The following ITPR2 variants were observed in gnomAD, a reference collection of about 807,000 sequenced individuals.
ITPR2 encodes the protein inositol 1,4,5-trisphosphate receptor type 2.
ITPR2 carries 207 observed loss-of-function variants against 317.1 expected under a neutral mutation model. The observed-to-expected ratio is 0.65, with a 90% CI of 0.58 to 0.73. ITPR2 has a LOEUF of 0.73. Ranked by LOEUF, ITPR2 falls within the 30% of genes least tolerant of loss-of-function variation. The pLI, the probability that ITPR2 is intolerant of heterozygous loss-of-function variation, is 0.00. For synonymous variants in ITPR2, 1,156 were observed against 1,149.1 expected, an observed-to-expected ratio of 1.01 and a Z score of -0.12; for missense variants, 2,613 against 3,284.0, an observed-to-expected ratio of 0.80 and a Z score of 4.99.
chr12:26,562,580 G>A (rs1011233095), intron 34 of ITPR2, among the ~76,000 whole-genome samples: 6 of 152,226 alleles, frequency 3.9e-5, no homozygotes, highest in Non-Finnish European at 7.3e-5. Flanking sequence ...GATGGGATTA[G>A]TCCATCAGCG....
chr12:26,808,986 T>C lies in ITPR2; in HGVS notation c.93-18759A>G, dbSNP rs576702816. Among the ~76,000 whole-genome samples, 34 of 152,324 alleles carry C rather than the reference T, an allele frequency of 2.2e-4. 1 individual carries two copies. The highest frequency in any genetic ancestry group is 6.8e-3 in the Middle Eastern group (2 of 294). Reference sequence around the variant, plus strand: ...TAACAACTGGAGTCTTAACCACCTGTATTCTGCCCTTCATTTGAGTGGGTG... The same window carrying C: ...TAACAACTGGAGTCTTAACCACCTGCATTCTGCCCTTCATTTGAGTGGGTG... On this transcript the variant is annotated intron_variant, in intron 1 of 56. Coordinates refer to ENST00000381340, the MANE Select transcript of ITPR2 (RefSeq NM_002223.4).
chr12:26,513,133 G>A (rs1378795722), intron 37 of ITPR2, among the ~76,000 whole-genome samples: 2 of 151,972 alleles, frequency 1.3e-5, no homozygotes, highest in East Asian at 1.9e-4. Flanking sequence ...GAGCCACCGC[G>A]CCCGGCCGGG....
intron 21 of ITPR2, 65 bp from the exon 22 acceptor site, chr12:26,632,124 C>T (rs991603065): frequency 2.3e-6 from 3 of 1,295,970 alleles, no homozygotes; most frequent in African/African-American, 3.0e-5. Flanking sequence ...CTATAAAACT[C>T]AGTTAGTCAC....
intron 1 of ITPR2, among the ~76,000 whole-genome samples, chr12:26,816,768 A>C (rs921261496): frequency 6.6e-5 from 10 of 152,336 alleles, no homozygotes; most frequent in African/African-American, 2.2e-4. Context: ...GATCAGGAAC[A>C]GTTCACTATA....
At chr12:26,360,867 C>G (rs1938804208) in intron 55 of ITPR2, among the ~76,000 whole-genome samples, 2 of 152,132 alleles carry the variant, frequency 1.3e-5, no homozygotes, top group Admixed American at 1.3e-4. Context: ...ATCACCACCT[C>G]TAAGTTTACC....
In ITPR2 at chr12:26,336,979, TG is replaced by T. The variant is rs1937935389; in HGVS notation, c.*2417del. ...TTTGTCTGCTTCGATTTTTTGTTGC[TG>T]TTTTTTTTTTTTTTGCTTTATAATT... On this transcript the variant is annotated 3_prime_UTR_variant, in exon 57 of 57. Coordinates refer to ENST00000381340, the MANE Select transcript of ITPR2 (RefSeq NM_002223.4). The T allele has an allele frequency of 2.4e-5, 1 of 42,212 alleles. No individual in the cohort carries two copies. Among genetic ancestry groups the T allele is most frequent in the African/African-American group, 6.5e-5 (1 of 15,434 alleles). The allele number at this position is 42,212 out of a possible 1,614,324, so 2.6% of individuals were successfully genotyped here.
chr12:26,644,924 C>T (rs1046113669), intron 21 of ITPR2, among the ~76,000 whole-genome samples: 1 of 152,146 alleles, frequency 6.6e-6, no homozygotes, highest in Admixed American at 6.5e-5. Context: ...AGTCTGAAGA[C>T]AGGTACTTCA....
At chr12:26,771,996 A>G (rs1949852076) in intron 2 of ITPR2, among the ~76,000 whole-genome samples, 1 of 152,102 alleles carries the variant, frequency 6.6e-6, no homozygotes, top group Admixed American at 6.5e-5. Flanking sequence ...AATATTAGTT[A>G]TTTACAGCAG....
intron 37 of ITPR2, among the ~76,000 whole-genome samples, chr12:26,508,554 G>C (rs1943248297): frequency 6.6e-6 from 1 of 151,806 alleles, no homozygotes; most frequent in Non-Finnish European, 1.5e-5. Flanking sequence ...AGAGATGAGA[G>C]GTATATTTAT....
chr12:26,555,500 G>A (rs1043574930), intron 36 of ITPR2, among the ~76,000 whole-genome samples: 1 of 152,164 alleles, frequency 6.6e-6, no homozygotes, highest in African/African-American at 2.4e-5. Context: ...ATAAAGACAA[G>A]TCTCTTCTTT....
chr12:26,676,703 T>C (rs1404524122), intron 13 of ITPR2, among the ~76,000 whole-genome samples: 1 of 151,398 alleles, frequency 6.6e-6, no homozygotes, highest in Non-Finnish European at 1.5e-5. Flanking sequence ...AATTAATCAC[T>C]AAAAAAACTT....
At chr12:26,395,898 A>G (rs1212793808) in intron 54 of ITPR2, among the ~76,000 whole-genome samples, 6 of 152,200 alleles carry the variant, frequency 3.9e-5, no homozygotes, top group Non-Finnish European at 8.8e-5. Context: ...CTCTGTTTCC[A>G]TGTTTGTAAA....
chr12:26,495,350 G>A, intron 37 of ITPR2, 90 bp from the exon 38 acceptor site: 1 of 691,736 alleles, frequency 1.4e-6, no homozygotes, highest in Non-Finnish European at 2.4e-6. Context: ...TGCATTTTGT[G>A]AATGATGTTG....
chr12:26,785,144 C>T (rs1592129038), intron 2 of ITPR2, among the ~76,000 whole-genome samples: 1 of 42,974 alleles, frequency 2.3e-5, no homozygotes, highest in African/African-American at 5.7e-5. Flanking sequence ...CGTCTCCGCC[C>T]GGCAGCCACC....
chr12:26,607,320 A>T lies in ITPR2; in HGVS notation c.3463-4614T>A, dbSNP rs568106803. ...CTCCCTTCAAAACATGCAAAAAAAA[A>T]TTTTAATAACCGGTCTTTTATATTT... is the stretch of plus-strand genomic sequence containing the variant. On this transcript the variant is annotated intron_variant, in intron 26 of 56. Transcript: ENST00000381340. Among the ~76,000 whole-genome samples, 389 of 152,240 alleles carry T rather than the reference A, an allele frequency of 2.6e-3. 1 individual carries two copies. Among genetic ancestry groups the T allele is most frequent in the African/African-American group, 9.1e-3 (376 of 41,528 alleles).
intron 55 of ITPR2, among the ~76,000 whole-genome samples, chr12:26,373,223 A>C (rs1164533326): frequency 6.6e-6 from 1 of 152,234 alleles, no homozygotes; most frequent in African/African-American, 2.4e-5. Flanking sequence ...GAAATATTTT[A>C]AATATTTTAG....
intron 1 of ITPR2, among the ~76,000 whole-genome samples, chr12:26,811,569 CCCAGCTACTCGGGAGGG>C (rs1950748458): frequency 6.6e-6 from 1 of 151,976 alleles, no homozygotes; most frequent in Non-Finnish European, 1.5e-5. Flanking sequence ...CGCCTGTACT[CCCAGCTACTCGGGAGGG>C]TGAGGCAGGA....
intron 34 of ITPR2, among the ~76,000 whole-genome samples, chr12:26,569,853 G>A (rs1025222356): frequency 1.6e-4 from 24 of 152,178 alleles, no homozygotes; most frequent in African/African-American, 4.8e-4. Flanking sequence ...CTGGTGGAGT[G>A]TAAATTGAAC....
intron 13 of ITPR2, among the ~76,000 whole-genome samples, chr12:26,676,718 A>C (rs374389511): frequency 6.6e-6 from 1 of 152,170 alleles, no homozygotes; most frequent in East Asian, 1.9e-4. Flanking sequence ...AAACTTTAGA[A>C]ACTAAATTTA....
Sources: gnomAD v4.1 joint callset for allele counts (sites outside exome capture counted in the v4.1 genomes callset) on GRCh38, gnomAD v4.1.1 for gene constraint, MANE v1.5 for transcripts, NCBI Gene and HGNC (gene_info 2026-07-23, HGNC 2026-07-21) for gene names.